The following LMO7 variants were observed in gnomAD, a reference collection of about 807,000 sequenced individuals.
The protein encoded by LMO7 is LIM domain 7.
In LMO7, 120 loss-of-function variants were observed where a neutral mutation model predicts 206.5. That is an observed-to-expected ratio of 0.58 (90% CI 0.50 to 0.68). LMO7 has a LOEUF of 0.68. Ranked by LOEUF, LMO7 falls within the 30% of genes least tolerant of loss-of-function variation. LMO7 has a pLI of 0.00. For missense variants in LMO7, 1,959 were observed against 1,957.9 expected (o/e 1.00, Z -0.01); for synonymous variants, 706 against 681.5 (o/e 1.04, Z -0.56).
Position 75,834,287 on chromosome 13 carries a change from C to A in LMO7, c.3126C>A (p.Thr1042=). The part of the protein sequence containing the change: ...VDDEIIAINN[T]KFSYNDSKEW... ...ATGAAATTATTGCTATTAACAACACCAAGTTTTCATATAACGATTCAAAAG... is the reference window on the plus strand; with the variant it reads ...ATGAAATTATTGCTATTAACAACACAAAGTTTTCATATAACGATTCAAAAG... The change falls in exon 17 of 31, where the codon ACC becomes ACA. Residue 1042 remains threonine, a synonymous_variant. Transcript: ENST00000377534. 1 of 1,610,626 alleles carries A rather than the reference C, an allele frequency of 6.2e-7. No homozygotes were observed. The highest frequency in any genetic ancestry group is 8.5e-7 in the Non-Finnish European group (1 of 1,178,110).
chr13:75,819,227 G>T (rs2057345270), intron 12 of LMO7, 166 bp from the exon 13 acceptor site: 6 of 626,956 alleles, frequency 9.6e-6, no homozygotes, highest in African/African-American at 1.9e-5. Context: ...TGAGATAAAG[G>T]CTTGGTACAG....
chr13:75,674,766 A>G (rs2039872803), intron 1 of LMO7, among the ~76,000 whole-genome samples: 1 of 152,248 alleles, frequency 6.6e-6, no homozygotes, highest in African/African-American at 2.4e-5. Context: ...CATTTATGTT[A>G]TCACTTGGGT....
At chr13:75,828,799 G>T (rs916332432) in intron 15 of LMO7, among the ~76,000 whole-genome samples, 1 of 152,184 alleles carries the variant, frequency 6.6e-6, no homozygotes, top group Non-Finnish European at 1.5e-5. Flanking sequence ...GATAACCCAA[G>T]GGAGGGTGGC....
intron 27 of LMO7, among the ~76,000 whole-genome samples, chr13:75,852,075 A>ACC (rs2060542746): frequency 6.6e-6 from 1 of 152,216 alleles, no homozygotes; most frequent in Non-Finnish European, 1.5e-5. Flanking sequence ...TGAATTTTTA[A>ACC]AAGGCTTTAT....
rs2059580323 is a variant in LMO7 at position 75,841,906 on chromosome 13, G to A, written c.3954G>A (p.Gln1318=). 2 of 1,613,756 alleles carry A rather than the reference G, an allele frequency of 1.2e-6. No individual in the cohort carries two copies. The highest frequency in any genetic ancestry group is 1.7e-5 in the Admixed American group (1 of 60,006). ...QKRLQAEAEE[Q]KRPAEEQKRQ... ...GGCTTCAGGCTGAGGCTGAGGAGCA[G>A]AAGCGTCCTGCGGAGGAGCAGAAGC... Residue 1318 remains glutamine (Q), a synonymous_variant, in exon 24 of 31, where the codon CAG becomes CAA. Coordinates refer to ENST00000377534, the MANE Select transcript of LMO7 (RefSeq NM_001306080.2).
At chr13:75,782,939 A>G (rs1189140237) in intron 4 of LMO7, among the ~76,000 whole-genome samples, 2 of 152,226 alleles carry the variant, frequency 1.3e-5, no homozygotes, top group African/African-American at 4.8e-5. Context: ...ATGTAGGGTA[A>G]CATTCACAGG....
intron 1 of LMO7, among the ~76,000 whole-genome samples, chr13:75,660,461 T>C (rs187653141): frequency 6.3e-4 from 96 of 152,334 alleles, no homozygotes; most frequent in African/African-American, 2.2e-3. Flanking sequence ...CTCCATTCCA[T>C]CATTTATGCC....
intron 3 of LMO7, among the ~76,000 whole-genome samples, chr13:75,734,029 C>A (rs991464707): frequency 1.3e-5 from 2 of 152,176 alleles, no homozygotes; most frequent in Non-Finnish European, 2.9e-5. Flanking sequence ...AAGTGCATTT[C>A]CAAAATAGTC....
intron 3 of LMO7, 135 bp from the exon 4 acceptor site, chr13:75,760,797 A>T: frequency 6.5e-7 from 1 of 1,544,986 alleles, no homozygotes; most frequent in Non-Finnish European, 8.7e-7. Context: ...AAATATACAT[A>T]TGCATGGGTC....
chr13:75,798,284 C>T (rs1480331148), intron 6 of LMO7, among the ~76,000 whole-genome samples: 5 of 152,162 alleles, frequency 3.3e-5, no homozygotes, highest in African/African-American at 9.7e-5. Flanking sequence ...GCAGGAGAGT[C>T]GCTTGAACCT....
intron 15 of LMO7, among the ~76,000 whole-genome samples, chr13:75,825,201 G>A (rs1227298910): frequency 6.6e-6 from 1 of 151,996 alleles, no homozygotes; most frequent in Non-Finnish European, 1.5e-5. Flanking sequence ...TAATTAACAT[G>A]CTAAGTCTCA....
At chr13:75,736,398 T>C (rs912294774) in intron 3 of LMO7, among the ~76,000 whole-genome samples, 2 of 152,230 alleles carry the variant, frequency 1.3e-5, no homozygotes, top group Non-Finnish European at 2.9e-5. Context: ...AAGCCTTAAT[T>C]CCAAGTATGA....
chr13:75,736,145 C>T (rs2045803860), intron 3 of LMO7, among the ~76,000 whole-genome samples: 1 of 152,146 alleles, frequency 6.6e-6, no homozygotes, highest in Non-Finnish European at 1.5e-5. Flanking sequence ...CTATTTCAAG[C>T]TTCAGAAATT....
intron 27 of LMO7, among the ~76,000 whole-genome samples, chr13:75,850,172 A>G (rs2060372816): frequency 6.6e-6 from 1 of 152,210 alleles, no homozygotes. Flanking sequence ...GGAAAAAGAA[A>G]CACAAAGCCA....
chr13:75,785,591 A>G (rs1045646549), intron 4 of LMO7, among the ~76,000 whole-genome samples: 1 of 152,206 alleles, frequency 6.6e-6, no homozygotes, highest in Non-Finnish European at 1.5e-5. Flanking sequence ...AAAAAAATAA[A>G]TTTTTCAAAG....
chr13:75,739,656 C>G (rs910313984), intron 3 of LMO7, among the ~76,000 whole-genome samples: 6 of 152,348 alleles, frequency 3.9e-5, no homozygotes, highest in Middle Eastern at 3.4e-3. Flanking sequence ...TCCCCTCACT[C>G]TCCCACGGCA....
intron 3 of LMO7, among the ~76,000 whole-genome samples, chr13:75,744,447 C>A (rs1682923618): frequency 6.6e-6 from 1 of 152,130 alleles, no homozygotes; most frequent in Admixed American, 6.5e-5. Context: ...GTTAGAATTA[C>A]TAAAGCAACA....
chr13:75,836,454 A>C lies in LMO7; in HGVS notation c.3391A>C (p.Lys1131Gln). 6.9e-7 allele frequency: 1 copy of C among 1,445,510 alleles called. No individual in the cohort carries two copies. Among genetic ancestry groups the C allele is most frequent in the Non-Finnish European group, 9.6e-7 (1 of 1,045,102 alleles). 89.5% of individuals were successfully genotyped at this position (1,445,510 alleles called of 1,614,324 possible). ...TGATGAAAGCAATGCTTTTGAATCA[A>C]AAGGTAAATATCACCTTTATAACTT... is the stretch of plus-strand genomic sequence containing the variant. ...IHDESNAFESKASESISLKNL... is the reference protein window; with the variant it reads ...IHDESNAFESQASESISLKNL... The change falls in exon 19 of 31, where the codon AAA (lysine) becomes CAA (glutamine). Residue 1131 changes from lysine to glutamine, a missense_variant. Lys to Gln is a moderately conservative substitution (Grantham distance 53). Transcript: ENST00000377534.
chr13:75,710,116 C>T (rs973407632), intron 1 of LMO7, among the ~76,000 whole-genome samples: 455 of 152,092 alleles, frequency 3.0e-3, no homozygotes, highest in Non-Finnish European at 5.2e-3. Context: ...TGTAGATATG[C>T]GGCATTATTT....
Sources: allele counts gnomAD v4.1 joint callset (sites outside exome capture counted in the v4.1 genomes callset), GRCh38; gene constraint gnomAD v4.1.1; transcripts MANE v1.5; gene names NCBI Gene and HGNC (gene_info 2026-07-23, HGNC 2026-07-21).